The following UNC13C variants were observed in gnomAD, a reference collection of about 807,000 sequenced individuals.
The protein encoded by UNC13C is unc-13 homolog C.
In UNC13C, 174 loss-of-function variants were observed where a neutral mutation model predicts 245.4. The observed-to-expected ratio is 0.71, with a 90% CI of 0.63 to 0.80. UNC13C has a LOEUF of 0.80. UNC13C is among the 30% of genes least tolerant of loss of function. UNC13C has a pLI of 0.00. For missense variants in UNC13C, 2,829 were observed against 2,602.9 expected (o/e 1.09, Z -1.89); for synonymous variants, 992 against 895.1 (o/e 1.11, Z -1.93).
At chr15:53,923,381 G>C in the UNC13C span, among the ~76,000 whole-genome samples, 1 of 152,188 alleles carries the variant, frequency 6.6e-6, no homozygotes. Context: ...TTAAGTCTCT[G>C]TGTATCTGTC....
intron 4 of UNC13C, among the ~76,000 whole-genome samples, chr15:54,209,784 C>T (rs545565116): frequency 7.2e-5 from 11 of 152,000 alleles, no homozygotes; most frequent in South Asian, 4.1e-4. Flanking sequence ...GGCTAAACAA[C>T]GATTACACAT....
chr15:53,960,480 T>C, the UNC13C span, among the ~76,000 whole-genome samples: 1 of 152,162 alleles, frequency 6.6e-6, no homozygotes, highest in Non-Finnish European at 1.5e-5. Flanking sequence ...TAGTGTATCA[T>C]TTAATGAAAA....
In UNC13C at chr15:54,015,074, C is replaced by T; in HGVS notation, c.2171C>T (p.Pro724Leu). 1 of 1,612,706 alleles carries T rather than the reference C, an allele frequency of 6.2e-7. No homozygotes were observed. Residue 724 changes from proline to leucine, a missense_variant, in exon 2 of 33, where the codon CCT becomes CTT. Transcript: ENST00000260323. ...CAAGATGACAATTCTTCTCCATGCC[C>T]TGGCTTGGATAATGAACCACAAGGC... ...LTQDDNSSPC[P>L]GLDNEPQGQW...
chr15:54,330,795 TTCAACTCA>T (rs2038416954), intron 14 of UNC13C, among the ~76,000 whole-genome samples: 1 of 151,992 alleles, frequency 6.6e-6, no homozygotes, highest in African/African-American at 2.4e-5. Flanking sequence ...ATCTAAGACG[TTCAACTCA>T]TCTGTATTTT....
At chr15:54,114,679 T>C (rs192693218) in intron 2 of UNC13C, among the ~76,000 whole-genome samples, 2 of 152,168 alleles carry the variant, frequency 1.3e-5, no homozygotes, top group African/African-American at 2.4e-5. Context: ...CTTTTACCTC[T>C]ATGTAAGAGT....
chr15:53,929,521 T>A, the UNC13C span, among the ~76,000 whole-genome samples: 1 of 152,112 alleles, frequency 6.6e-6, no homozygotes, highest in Non-Finnish European at 1.5e-5. Context: ...TAGAAAAAAA[T>A]TAATATTTAG....
the UNC13C span, among the ~76,000 whole-genome samples, chr15:53,967,798 T>C: frequency 0.047 from 7,143 of 152,282 alleles, 270 homozygotes; most frequent in African/African-American, 0.1. Context: ...CAAGCCAATT[T>C]GTTGAAATTC....
intron 30 of UNC13C, among the ~76,000 whole-genome samples, chr15:54,606,893 A>G (rs980176769): frequency 6.6e-6 from 1 of 152,200 alleles, no homozygotes; most frequent in Non-Finnish European, 1.5e-5. Context: ...AGAGCTTACA[A>G]TTTACCGAAT....
chr15:54,085,303 G>A (rs1193463677), intron 2 of UNC13C, among the ~76,000 whole-genome samples: 1 of 152,170 alleles, frequency 6.6e-6, no homozygotes, highest in Admixed American at 6.5e-5. Flanking sequence ...TCAGCCGGAA[G>A]TTTAGTTGCA....
At chr15:53,893,585 C>T in the UNC13C span, among the ~76,000 whole-genome samples, 1 of 152,212 alleles carries the variant, frequency 6.6e-6, no homozygotes, top group Non-Finnish European at 1.5e-5. Flanking sequence ...CTGGCCACAG[C>T]AGCCTTGCTG....
intron 19 of UNC13C, among the ~76,000 whole-genome samples, chr15:54,415,682 C>G (rs479450): frequency 0.15 from 22,208 of 152,042 alleles, 2,091 homozygotes; most frequent in Middle Eastern, 0.19. Context: ...TGTACTTATT[C>G]AGTGAATATA....
At chr15:54,121,233 A>G (rs567566535) in intron 2 of UNC13C, among the ~76,000 whole-genome samples, 1 of 152,158 alleles carries the variant, frequency 6.6e-6, no homozygotes, top group Non-Finnish European at 1.5e-5. Context: ...TCACACTTCA[A>G]CAACCACCAC....
the UNC13C span, among the ~76,000 whole-genome samples, chr15:53,896,693 G>T: frequency 6.6e-6 from 1 of 152,032 alleles, no homozygotes. Flanking sequence ...ATGTTTCTCA[G>T]CCTCCCTAAA....
In UNC13C at chr15:54,623,950, C is replaced by A; in HGVS notation, c.6355C>A (p.Gln2119Lys). 6.2e-7 allele frequency: 1 copy of A among 1,612,990 alleles called. No individual in the cohort carries two copies. The highest frequency in any genetic ancestry group is 8.5e-7 in the Non-Finnish European group (1 of 1,179,236). Reference sequence around the variant, plus strand: ...GTCACCAAAGTACAATGAAACATTTCAGTTGTAAGTCATAAACCCACCTTA... The same window carrying A: ...GTCACCAAAGTACAATGAAACATTTAAGTTGTAAGTCATAAACCCACCTTA... The part of the protein sequence containing the change: ...TWSPKYNETF[Q>K]FILGKENRPG... Residue 2119 changes from glutamine to lysine, a missense_variant, in exon 32 of 33, where the codon CAG (glutamine) becomes AAG (lysine). Gln to Lys is a moderately conservative substitution (Grantham distance 53, BLOSUM62 1). Transcript: ENST00000260323.
chr15:54,173,047 T>C (rs1046801150), intron 4 of UNC13C, among the ~76,000 whole-genome samples: 2 of 151,838 alleles, frequency 1.3e-5, no homozygotes, highest in African/African-American at 4.8e-5. Flanking sequence ...TGACCTAATA[T>C]GGATGAGCCA....
intron 4 of UNC13C, among the ~76,000 whole-genome samples, chr15:54,194,002 A>C (rs867786253): frequency 6.6e-6 from 1 of 152,302 alleles, no homozygotes; most frequent in Middle Eastern, 3.4e-3. Flanking sequence ...TGTAGTCCAA[A>C]TGCAGTGAAC....
intron 24 of UNC13C, among the ~76,000 whole-genome samples, chr15:54,515,626 G>A (rs924383285): frequency 6.6e-6 from 1 of 152,134 alleles, no homozygotes; most frequent in African/African-American, 2.4e-5. Flanking sequence ...CATTGATTTA[G>A]AAGGTGCATT....
chr15:53,877,348 T>A, the UNC13C span, among the ~76,000 whole-genome samples: 12 of 152,216 alleles, frequency 7.9e-5, no homozygotes, highest in African/African-American at 2.9e-4. Context: ...GTTCCCTCCC[T>A]GAGAGTGAGA....
Position 54,202,633 on chromosome 15 carries a change from G to C in UNC13C, c.3072-32397G>C, listed in dbSNP as rs565909686. ...AGCCACATGTAGAAGAATGAAACTG[G>C]GTCCTTATCTCTCACCCTATATGAG... On this transcript the variant is annotated intron_variant, in intron 4 of 32. Transcript: ENST00000260323. Among the ~76,000 whole-genome samples, 7 of 152,058 alleles carry C rather than the reference G, an allele frequency of 4.6e-5. No homozygotes were observed. In the South Asian group the frequency reaches 1.5e-3, roughly 32 times the overall value.
Sources: allele counts gnomAD v4.1 joint callset (sites outside exome capture counted in the v4.1 genomes callset), GRCh38; gene constraint gnomAD v4.1.1; transcripts MANE v1.5; gene names NCBI Gene and HGNC (gene_info 2026-07-23, HGNC 2026-07-21).